The following DNAJC1 variants were observed in gnomAD, a reference collection of about 807,000 sequenced individuals.
DNAJC1 encodes the protein dnaJ homolog subfamily C member 1.
DNAJC1 carries 58 observed loss-of-function variants against 76.6 expected under a neutral mutation model. The observed-to-expected ratio is 0.76, with a 90% CI of 0.61 to 0.94. DNAJC1 has a LOEUF of 0.94. Among genes scored for constraint, DNAJC1 ranks in the 40% least tolerant of loss-of-function variants. The pLI is 0.00. For synonymous variants in DNAJC1, 258 were observed against 267.9 expected, an observed-to-expected ratio of 0.96 and a Z score of 0.36; for missense variants, 689 against 677.3, an observed-to-expected ratio of 1.02 and a Z score of -0.19.
intron 9 of DNAJC1, among the ~76,000 whole-genome samples, chr10:21,786,810 C>A (rs1322663794): frequency 2.6e-5 from 4 of 152,118 alleles, no homozygotes; most frequent in Non-Finnish European, 5.9e-5. Context: ...CCATCTATCC[C>A]TACCTGATAT....
intron 9 of DNAJC1, among the ~76,000 whole-genome samples, chr10:21,800,431 G>C (rs1834800673): frequency 6.6e-6 from 1 of 152,092 alleles, no homozygotes; most frequent in Non-Finnish European, 1.5e-5. Context: ...GCAATCTCTA[G>C]TTCTAGGCAC....
intron 8 of DNAJC1, among the ~76,000 whole-genome samples, chr10:21,816,733 G>C (rs1306855029): frequency 2.7e-5 from 4 of 149,252 alleles, no homozygotes; most frequent in Admixed American, 2.6e-4. Flanking sequence ...TTTTAGTAGA[G>C]ACGGGGTTTC....
chr10:21,966,094 G>T (rs1243739979), intron 1 of DNAJC1, among the ~76,000 whole-genome samples: 1 of 152,128 alleles, frequency 6.6e-6, no homozygotes, highest in African/African-American at 2.4e-5. Flanking sequence ...ATGTCCCATA[G>T]TTTGGGTTTG....
intron 8 of DNAJC1, among the ~76,000 whole-genome samples, chr10:21,819,345 G>A (rs1391973388): frequency 6.6e-6 from 1 of 151,908 alleles, no homozygotes; most frequent in African/African-American, 2.4e-5. Context: ...AGGTTGCAGT[G>A]AGCCGAGATC....
At chr10:21,775,084 A>G (rs1256873886) in intron 9 of DNAJC1, among the ~76,000 whole-genome samples, 1 of 152,168 alleles carries the variant, frequency 6.6e-6, no homozygotes, top group East Asian at 1.9e-4. Context: ...ACATAATCTG[A>G]GTCCTTCAGA....
At chr10:21,901,175 A>G (rs1836646605) in intron 7 of DNAJC1, among the ~76,000 whole-genome samples, 2 of 152,226 alleles carry the variant, frequency 1.3e-5, no homozygotes, top group African/African-American at 4.8e-5. Flanking sequence ...ATTTAAATGA[A>G]GTACTTGGCA....
intron 8 of DNAJC1, among the ~76,000 whole-genome samples, chr10:21,862,173 C>A (rs1745070732): frequency 6.6e-6 from 1 of 152,134 alleles, no homozygotes; most frequent in African/African-American, 2.4e-5. Flanking sequence ...CTGCCTCAGC[C>A]TCCCAAAGTG....
In DNAJC1 at chr10:21,891,043, A is replaced by G. The variant is rs1285124602; in HGVS notation, c.821-8604T>C. Among the ~76,000 whole-genome samples, 6 of 152,068 alleles carry G rather than the reference A, an allele frequency of 3.9e-5. No homozygotes were observed. In the East Asian group the frequency reaches 1.2e-3, roughly 29 times the overall value. ...CTGTCTCTACTAAAAATACAAAATT[A>G]GCCAGCTGTGGTAGTGCATGCCTGT... On this transcript the variant is annotated intron_variant, in intron 7 of 11. Coordinates refer to ENST00000376980, the MANE Select transcript of DNAJC1 (RefSeq NM_022365.4).
At chr10:21,890,699 C>T (rs992234970) in intron 7 of DNAJC1, among the ~76,000 whole-genome samples, 3 of 152,166 alleles carry the variant, frequency 2.0e-5, no homozygotes, top group African/African-American at 7.2e-5. Flanking sequence ...CTAGCAGTAA[C>T]AGGCAGCACT....
At position 21,803,961 on chromosome 10, in the gene DNAJC1, G is replaced by A. The variant is rs1413405555; in HGVS notation, c.1098+2019C>T. 23 of 984,678 alleles carry A rather than the reference G, an allele frequency of 2.3e-5. No homozygotes were observed. In the East Asian group the frequency reaches 8.0e-4, roughly 34 times the overall value. The allele number at this position is 984,678 out of a possible 1,614,324, so 61.0% of individuals were successfully genotyped here. A position where few individuals can be genotyped will look rare whatever the true frequency, so the allele number is the denominator to read the frequency against. Reference sequence around the variant, plus strand: ...GGGAAAAAATATCTATTGCAGACACGGAATCATTCTGCCTTGGGTAAGTCT... The same window carrying A: ...GGGAAAAAATATCTATTGCAGACACAGAATCATTCTGCCTTGGGTAAGTCT... On this transcript the variant is annotated intron_variant, in intron 9 of 11. Coordinates refer to ENST00000376980, the MANE Select transcript of DNAJC1 (RefSeq NM_022365.4).
At chr10:21,771,166 CATTT>C (rs1292002502) in intron 9 of DNAJC1, among the ~76,000 whole-genome samples, 2 of 152,134 alleles carry the variant, frequency 1.3e-5, no homozygotes, top group African/African-American at 4.8e-5. Flanking sequence ...TTGCTAAACT[CATTT>C]ATTAGTTCCA....
intron 8 of DNAJC1, among the ~76,000 whole-genome samples, chr10:21,872,575 A>G (rs1836122073): frequency 6.6e-6 from 1 of 152,232 alleles, no homozygotes; most frequent in South Asian, 2.1e-4. Context: ...TGAGCAGGAA[A>G]TGAAAGAATC....
At chr10:21,778,521 T>G (rs1834481750) in intron 9 of DNAJC1, among the ~76,000 whole-genome samples, 1 of 152,228 alleles carries the variant, frequency 6.6e-6, no homozygotes, top group Non-Finnish European at 1.5e-5. Context: ...CCTATCCATT[T>G]CAAGGGGCTT....
chr10:21,835,014 T>TG (rs1835426207), intron 8 of DNAJC1, among the ~76,000 whole-genome samples: 1 of 152,162 alleles, frequency 6.6e-6, no homozygotes, highest in African/African-American at 2.4e-5. Context: ...GATCTGAGAA[T>TG]GGGCAGACTG....
At chr10:21,819,067 CT>C (rs1835117472) in intron 8 of DNAJC1, among the ~76,000 whole-genome samples, 1 of 152,138 alleles carries the variant, frequency 6.6e-6, no homozygotes, top group African/African-American at 2.4e-5. Flanking sequence ...CAATGTGACA[CT>C]AGCTTTAAGA....
chr10:21,951,704 T>C (rs1837597622), intron 1 of DNAJC1, among the ~76,000 whole-genome samples: 1 of 152,210 alleles, frequency 6.6e-6, no homozygotes, highest in Admixed American at 6.5e-5. Context: ...TAACTACTAC[T>C]ACAAGGTAAC....
chr10:21,980,425 T>C (rs1390416228), intron 1 of DNAJC1, among the ~76,000 whole-genome samples: 5 of 152,104 alleles, frequency 3.3e-5, no homozygotes, highest in Non-Finnish European at 7.4e-5. Flanking sequence ...CAAACATGCA[T>C]AGTTTGAATT....
intron 1 of DNAJC1, among the ~76,000 whole-genome samples, chr10:21,948,356 T>C (rs1837540179): frequency 6.6e-6 from 1 of 152,208 alleles, no homozygotes; most frequent in East Asian, 1.9e-4. Context: ...TTGCACAAAA[T>C]AATTTTAGGA....
rs530338327 is a variant in DNAJC1 at position 21,772,851 on chromosome 10, C to A, written c.1099-6542G>T. Among the ~76,000 whole-genome samples, 52 of 152,214 alleles carry A rather than the reference C, an allele frequency of 3.4e-4. 1 individual carries two copies. The highest frequency in any genetic ancestry group is 1.2e-3 in the African/African-American group (50 of 41,538). On this transcript the variant is annotated intron_variant, in intron 9 of 11. Transcript: ENST00000376980. ...ATGGTTTCACAAGCTGTACAGGAAG[C>A]GTGGCAGCATCTGCTTGGCTTCTGG...
Sources: gnomAD v4.1 joint callset for allele counts (sites outside exome capture counted in the v4.1 genomes callset) on GRCh38, gnomAD v4.1.1 for gene constraint, MANE v1.5 for transcripts, NCBI Gene and HGNC (gene_info 2026-07-23, HGNC 2026-07-21) for gene names.